Variants in DPF3 observed in about 807,000 individuals in gnomAD.
The protein encoded by DPF3 is zinc finger protein DPF3.
Under a neutral mutation model 56.8 loss-of-function variants are expected in DPF3, and 18 were observed. The observed-to-expected ratio is 0.32, with a 90% CI of 0.22 to 0.47. DPF3 has a LOEUF of 0.47. Among genes scored for constraint, DPF3 ranks in the 20% least tolerant of loss-of-function variants. The pLI is 1.00. For synonymous variants in DPF3, 188 were observed against 180.2 expected, an observed-to-expected ratio of 1.04 and a Z score of -0.35; for missense variants, 403 against 488.8, an observed-to-expected ratio of 0.82 and a Z score of 1.65.
At position 72,712,231 on chromosome 14, in the gene DPF3, G is replaced by A. The variant is rs147473329; in HGVS notation, c.604+2192C>T. Among the ~76,000 whole-genome samples the A allele has an allele frequency of 4.9e-3, 753 of 152,270 alleles. 8 individuals carry two copies. The highest frequency in any genetic ancestry group is 0.017 in the African/African-American group (723 of 41,546). On this transcript the variant is annotated intron_variant, in intron 6 of 10. Transcript: ENST00000556509. Reference sequence around the variant, plus strand: ...GGAGAGAGCCTGCGGGGAGGGCATCGAGAGAAGCAAACGTCACTGAGAGTC... The same window carrying A: ...GGAGAGAGCCTGCGGGGAGGGCATCAAGAGAAGCAAACGTCACTGAGAGTC...
At chr14:72,659,431 G>A (rs1040130272) in intron 8 of DPF3, among the ~76,000 whole-genome samples, 2 of 152,108 alleles carry the variant, frequency 1.3e-5, no homozygotes, top group Non-Finnish European at 2.9e-5. Context: ...TATCAGACAC[G>A]TGAAAAAGTC....
At chr14:72,782,527 A>G (rs1420610787) in intron 1 of DPF3, among the ~76,000 whole-genome samples, 2 of 152,174 alleles carry the variant, frequency 1.3e-5, no homozygotes, top group Non-Finnish European at 2.9e-5. Context: ...AACCAGCCCC[A>G]GTGATCTTTT....
intron 1 of DPF3, among the ~76,000 whole-genome samples, chr14:72,775,173 T>C (rs995072136): frequency 6.6e-6 from 1 of 150,958 alleles, no homozygotes; most frequent in East Asian, 1.9e-4. Context: ...AAAAAAAAGA[T>C]GTTAATTATC....
intron 8 of DPF3, among the ~76,000 whole-genome samples, chr14:72,645,977 T>G (rs2803972): frequency 0.027 from 4,126 of 152,236 alleles, 149 homozygotes; most frequent in African/African-American, 0.072. Flanking sequence ...TTAGAAATGC[T>G]CACCCCGGAT....
At chr14:72,711,272 G>C (rs1875570269) in intron 6 of DPF3, among the ~76,000 whole-genome samples, 1 of 152,192 alleles carries the variant, frequency 6.6e-6, no homozygotes, top group Non-Finnish European at 1.5e-5. Context: ...TGTGGAGAAT[G>C]AAATTTAACT....
At chr14:72,823,857 G>C (rs1288594825) in intron 1 of DPF3, among the ~76,000 whole-genome samples, 1 of 152,198 alleles carries the variant, frequency 6.6e-6, no homozygotes, top group Non-Finnish European at 1.5e-5. Context: ...GTGAGAAATA[G>C]GGAGAGGCTG....
chr14:72,702,898 G>T (rs531459051), intron 6 of DPF3, among the ~76,000 whole-genome samples: 1 of 151,550 alleles, frequency 6.6e-6, no homozygotes, highest in Non-Finnish European at 1.5e-5. Flanking sequence ...TGCCCTTGAA[G>T]TTCGAGGCCA....
At chr14:72,627,785 T>C (rs1342601254) in intron 9 of DPF3, among the ~76,000 whole-genome samples, 1 of 152,132 alleles carries the variant, frequency 6.6e-6, no homozygotes, top group African/African-American at 2.4e-5. Flanking sequence ...TCCAAGATCA[T>C]AGGATGCCTT....
At chr14:72,681,493 G>A (rs371937695) in intron 7 of DPF3, among the ~76,000 whole-genome samples, 2 of 152,334 alleles carry the variant, frequency 1.3e-5, no homozygotes, top group East Asian at 3.9e-4. Flanking sequence ...GCAGGAGCCA[G>A]TGAGAACAGA....
chr14:72,726,775 T>C (rs1007467174), intron 4 of DPF3, among the ~76,000 whole-genome samples: 1 of 152,158 alleles, frequency 6.6e-6, no homozygotes, highest in Non-Finnish European at 1.5e-5. Flanking sequence ...AATAAACACA[T>C]TTTAAAATAA....
rs145426264 is a variant in DPF3 at position 72,695,069 on chromosome 14, A to G, written c.605-1856T>C. The stretch of plus-strand genomic sequence containing the variant: ...CTGTACTAAGACTTGAGCTCAATCT[A>G]TAATTTTTGGACTATCTTTTATTAG... On this transcript the variant is annotated intron_variant, in intron 6 of 10. Coordinates refer to ENST00000556509, the MANE Select transcript of DPF3 (RefSeq NM_001280542.3). 3.2e-4 allele frequency among the ~76,000 whole-genome samples: 49 copies of G among 152,336 alleles called. No individual in the cohort carries two copies. The East Asian group carries it at 9.1e-3, about 28-fold the overall frequency.
At chr14:72,810,444 G>A (rs1415264740) in intron 1 of DPF3, among the ~76,000 whole-genome samples, 2 of 152,136 alleles carry the variant, frequency 1.3e-5, no homozygotes, top group East Asian at 1.9e-4. Context: ...AATGTGTACC[G>A]AGCTTCCGGG....
At chr14:72,792,295 G>A (rs1001130695) in intron 1 of DPF3, among the ~76,000 whole-genome samples, 2 of 152,204 alleles carry the variant, frequency 1.3e-5, no homozygotes, top group African/African-American at 4.8e-5. Flanking sequence ...TCCTGCCGCT[G>A]GACCTGGAGC....
At chr14:72,771,289 T>C (rs1369811940) in intron 2 of DPF3, among the ~76,000 whole-genome samples, 4 of 152,210 alleles carry the variant, frequency 2.6e-5, no homozygotes, top group Non-Finnish European at 5.9e-5. Context: ...CGAAATCTTA[T>C]GTGGTAAGTA....
At chr14:72,645,319 G>A (rs1243803763) in intron 8 of DPF3, among the ~76,000 whole-genome samples, 2 of 150,148 alleles carry the variant, frequency 1.3e-5, no homozygotes, top group Admixed American at 1.3e-4. Context: ...TTCAGAGATA[G>A]GGTTTCACTC....
chr14:72,858,817 C>G (rs1008953760), intron 1 of DPF3, among the ~76,000 whole-genome samples: 13 of 152,216 alleles, frequency 8.5e-5, no homozygotes, highest in African/African-American at 2.9e-4. Context: ...TTATGTTCGT[C>G]CAATGGATTT....
chr14:72,866,949 A>G (rs1240031666), intron 1 of DPF3, among the ~76,000 whole-genome samples: 1 of 150,034 alleles, frequency 6.7e-6, no homozygotes, highest in Non-Finnish European at 1.5e-5. Flanking sequence ...TTCTAAGGGT[A>G]TTCTTTTCTA....
chr14:72,696,184 G>A (rs1887892853), intron 6 of DPF3, among the ~76,000 whole-genome samples: 1 of 152,162 alleles, frequency 6.6e-6, no homozygotes, highest in South Asian at 2.1e-4. Context: ...ACACAAAGAG[G>A]CCTCAGCCAC....
intron 5 of DPF3, among the ~76,000 whole-genome samples, chr14:72,717,408 T>C (rs1888977261): frequency 6.6e-6 from 1 of 152,160 alleles, no homozygotes; most frequent in Non-Finnish European, 1.5e-5. Flanking sequence ...GGGACAGCAC[T>C]AAGTCCACAG....
Sources: allele counts gnomAD v4.1 joint callset (sites outside exome capture counted in the v4.1 genomes callset), GRCh38; gene constraint gnomAD v4.1.1; transcripts MANE v1.5; gene names NCBI Gene and HGNC (gene_info 2026-07-23, HGNC 2026-07-21).